GPD2: variants seen among roughly 807,000 people sequenced by gnomAD.
The protein encoded by GPD2 is glycerol-3-phosphate dehydrogenase, mitochondrial.
A neutral mutation model predicts 82.4 loss-of-function variants in GPD2; 54 were observed. The ratio of observed to expected loss-of-function variants is 0.66; its 90% confidence interval spans 0.53 to 0.82. The LOEUF is 0.82. Ranked by LOEUF, GPD2 falls within the 40% of genes least tolerant of loss-of-function variation. GPD2 has a pLI of 0.00. For missense variants in GPD2, 748 were observed against 896.2 expected (o/e 0.83, Z 2.11); for synonymous variants, 288 against 306.1 (o/e 0.94, Z 0.62).
chr2:156,565,224 A>G (rs1042531884), intron 9 of GPD2, among the ~76,000 whole-genome samples: 1 of 152,142 alleles, frequency 6.6e-6, no homozygotes, highest in Non-Finnish European at 1.5e-5. Context: ...AAGGAATTTC[A>G]CAGACACTAG....
chr2:156,416,218 C>T, the GPD2 span, among the ~76,000 whole-genome samples: 1 of 151,586 alleles, frequency 6.6e-6, no homozygotes, highest in Non-Finnish European at 1.5e-5. Flanking sequence ...GGTTGACAGG[C>T]ATTTGGGTTG....
At chr2:156,534,153 TG>T (rs1357224430) in intron 6 of GPD2, among the ~76,000 whole-genome samples, 5 of 152,150 alleles carry the variant, frequency 3.3e-5, no homozygotes, top group African/African-American at 4.8e-5. Flanking sequence ...AGTGGGAATA[TG>T]AACTTCGCCT....
chr2:156,406,500 C>G, the GPD2 span, among the ~76,000 whole-genome samples: 1 of 152,212 alleles, frequency 6.6e-6, no homozygotes, highest in African/African-American at 2.4e-5. Context: ...CCCTGGGCTA[C>G]CCAGGAAACC....
chr2:156,529,008 G>A (rs1473484910), intron 6 of GPD2, among the ~76,000 whole-genome samples: 7 of 151,464 alleles, frequency 4.6e-5, no homozygotes, highest in South Asian at 2.1e-4. Flanking sequence ...CTGAGGAATC[G>A]CCACACTGAC....
intron 2 of GPD2, among the ~76,000 whole-genome samples, chr2:156,479,696 CT>C (rs1683650673): frequency 6.6e-6 from 1 of 152,148 alleles, no homozygotes. Flanking sequence ...ACTTCTTTTG[CT>C]TGTGTCCACC....
At chr2:156,454,925 GTA>G (rs1247176629) in intron 1 of GPD2, among the ~76,000 whole-genome samples, 1 of 152,126 alleles carries the variant, frequency 6.6e-6, no homozygotes, top group African/African-American at 2.4e-5. Flanking sequence ...GCCAGTTGGA[GTA>G]TAAAGGCCTC....
chr2:156,463,694 T>A (rs989497029), intron 1 of GPD2, among the ~76,000 whole-genome samples: 1 of 152,170 alleles, frequency 6.6e-6, no homozygotes, highest in Admixed American at 6.5e-5. Flanking sequence ...GAATACCCCC[T>A]GATGATTTTC....
At chr2:156,465,536 G>T (rs1034319162) in intron 1 of GPD2, among the ~76,000 whole-genome samples, 7 of 151,752 alleles carry the variant, frequency 4.6e-5, no homozygotes, top group South Asian at 2.1e-4. Flanking sequence ...TAATTAAAAA[G>T]ATTTTTTCTG....
chr2:156,582,841 A>G lies in GPD2; in HGVS notation c.2107A>G (p.Ile703Val), dbSNP rs375609750. 1.4e-5 allele frequency: 23 copies of G among 1,612,868 alleles called. No individual in the cohort carries two copies. The African/African-American group carries it at 2.4e-4, about 17-fold the overall frequency. The change falls in exon 17 of 17, where the codon ATA becomes GTA. Residue 703 changes from isoleucine (I) to valine (V), a missense_variant. Transcript: ENST00000438166. Reference sequence around the variant, plus strand: ...AAGGGTATCTGGAAGCCGGCTTGCTATACTAATGAAAACTGCAGAAGAGAA... The same window carrying G: ...AAGGGTATCTGGAAGCCGGCTTGCTGTACTAATGAAAACTGCAGAAGAGAA... ...KGRVSGSRLA[I>V]LMKTAEENLD...
At chr2:156,442,864 C>T (rs1280230093) in intron 1 of GPD2, among the ~76,000 whole-genome samples, 1 of 151,978 alleles carries the variant, frequency 6.6e-6, no homozygotes, top group East Asian at 1.9e-4. Flanking sequence ...GTGGTAATGC[C>T]CAAACTGCTT....
chr2:156,510,070 A>G (rs1345273780), intron 3 of GPD2, among the ~76,000 whole-genome samples: 1 of 152,294 alleles, frequency 6.6e-6, no homozygotes, highest in East Asian at 1.9e-4. Flanking sequence ...GGCATAAGCC[A>G]CTACGCCTGG....
chr2:156,468,442 G>A (rs1683217598), intron 1 of GPD2, among the ~76,000 whole-genome samples: 1 of 152,188 alleles, frequency 6.6e-6, no homozygotes, highest in African/African-American at 2.4e-5. Context: ...AGTGTGACAC[G>A]ACTCAAAATA....
intron 6 of GPD2, among the ~76,000 whole-genome samples, chr2:156,527,722 T>G (rs1454576231): frequency 6.6e-6 from 1 of 152,140 alleles, no homozygotes; most frequent in East Asian, 1.9e-4. Flanking sequence ...TCAAATAATT[T>G]GTACTTGATA....
At chr2:156,511,146 TAGC>T (rs933479627) in intron 4 of GPD2, among the ~76,000 whole-genome samples, 1 of 152,226 alleles carries the variant, frequency 6.6e-6, no homozygotes, top group Admixed American at 6.5e-5. Flanking sequence ...CATGTTGAAG[TAGC>T]AGATTTACAA....
the GPD2 span, among the ~76,000 whole-genome samples, chr2:156,411,849 G>A: frequency 7.3e-4 from 111 of 152,196 alleles, no homozygotes; most frequent in African/African-American, 2.4e-3. Context: ...TATAAAAATA[G>A]CATTTAAAAT....
chr2:156,504,080 A>AATCTGTTTTCTAATAT (rs946667801), intron 3 of GPD2, among the ~76,000 whole-genome samples: 59 of 151,406 alleles, frequency 3.9e-4, no homozygotes, highest in African/African-American at 1.4e-3. Flanking sequence ...TATCTCTATT[A>AATCTGTTTTCTAATAT]ATCTGTTTTC....
At chr2:156,559,750 G>T (rs1443318119) in intron 9 of GPD2, among the ~76,000 whole-genome samples, 5 of 152,054 alleles carry the variant, frequency 3.3e-5, no homozygotes, top group Non-Finnish European at 2.9e-5. Context: ...ATCCATGTGT[G>T]GTTAAGGTTT....
chr2:156,450,972 G>C (rs1287574331), intron 1 of GPD2, among the ~76,000 whole-genome samples: 7 of 134,112 alleles, frequency 5.2e-5, no homozygotes, highest in African/African-American at 2.0e-4. Flanking sequence ...GAGAGCACAG[G>C]GTTGGGGGTA....
intron 2 of GPD2, among the ~76,000 whole-genome samples, chr2:156,476,946 C>A (rs1208193764): frequency 6.6e-6 from 1 of 152,164 alleles, no homozygotes; most frequent in Non-Finnish European, 1.5e-5. Context: ...TAGTGCATTT[C>A]TTTCTCAAAG....
Sources: gnomAD v4.1 joint callset for allele counts (sites outside exome capture counted in the v4.1 genomes callset) on GRCh38, gnomAD v4.1.1 for gene constraint, MANE v1.5 for transcripts, NCBI Gene and HGNC (gene_info 2026-07-23, HGNC 2026-07-21) for gene names.